Variants in GNA12 observed in about 807,000 individuals in gnomAD.
GNA12 encodes G protein subunit alpha 12.
GNA12 carries 9 observed loss-of-function variants against 26.0 expected under a neutral mutation model. The observed-to-expected ratio is 0.35, with a 90% CI of 0.21 to 0.60. The LOEUF (loss-of-function observed/expected upper bound fraction) is 0.60, where lower values mean the gene tolerates loss of function less well. Among genes scored for constraint, GNA12 ranks in the 20% least tolerant of loss-of-function variants. GNA12 has a pLI of 0.78. For missense variants in GNA12, 405 were observed against 525.8 expected, an observed-to-expected ratio of 0.77 and a Z score of 2.25; for synonymous variants, 264 against 219.6, an observed-to-expected ratio of 1.20 and a Z score of -1.79.
intron 2 of GNA12, among the ~76,000 whole-genome samples, chr7:2,765,867 G>C (rs998062099): frequency 6.8e-5 from 10 of 147,544 alleles, no homozygotes; most frequent in African/African-American, 2.5e-4. Flanking sequence ...CTGACCTCGT[G>C]ATCCAGGGCC....
In GNA12 at chr7:2,816,240, C is replaced by CTTTTTTT. The variant is rs71026563; in HGVS notation, c.310-21104_310-21098dup. 1.1e-3 allele frequency among the ~76,000 whole-genome samples: 170 copies of CTTTTTTT among 148,414 alleles called. 2 individuals are homozygous for CTTTTTTT. Among genetic ancestry groups the CTTTTTTT allele is most frequent in the East Asian group, 6.9e-3 (35 of 5,102 alleles). ...ACGCACATGTGCTGCTCACCAAATC[C>CTTTTTTT]TTTTTTTTTGAGATAGTCTTGATCT... On this transcript the variant is annotated intron_variant, in intron 1 of 3. Coordinates refer to ENST00000275364, the MANE Select transcript of GNA12 (RefSeq NM_007353.3).
At chr7:2,741,206 G>C (rs1790484249) in intron 2 of GNA12, among the ~76,000 whole-genome samples, 1 of 152,184 alleles carries the variant, frequency 6.6e-6, no homozygotes, top group South Asian at 2.1e-4. Flanking sequence ...AAAGCACCTA[G>C]ACTAGGTGTG....
intron 2 of GNA12, among the ~76,000 whole-genome samples, chr7:2,781,638 A>G (rs1024160916): frequency 4.6e-5 from 7 of 152,168 alleles, no homozygotes; most frequent in African/African-American, 1.7e-4. Flanking sequence ...GTCTAAAGAC[A>G]TGTAGCTGTC....
intron 1 of GNA12, among the ~76,000 whole-genome samples, chr7:2,842,763 G>A (rs1779033132): frequency 6.6e-6 from 1 of 152,194 alleles, no homozygotes; most frequent in Admixed American, 6.5e-5. Flanking sequence ...TATTACTAAT[G>A]TTTAGGTTTG....
At chr7:2,747,478 T>C (rs1396496422) in intron 2 of GNA12, among the ~76,000 whole-genome samples, 1 of 152,192 alleles carries the variant, frequency 6.6e-6, no homozygotes, top group Non-Finnish European at 1.5e-5. Flanking sequence ...ACAACCTTCA[T>C]GCTAAAAACT....
At chr7:2,806,457 CAAAAAAAAAAAAA>C (rs34036056) in intron 1 of GNA12, among the ~76,000 whole-genome samples, 67 of 80,714 alleles carry the variant, frequency 8.3e-4, no homozygotes, top group African/African-American at 3.1e-3. Context: ...GACTCTGTCT[CAAAAAAAAAAAAA>C]AAAAAAAAGA....
chr7:2,734,205 T>C (rs1790043561), intron 2 of GNA12, among the ~76,000 whole-genome samples: 1 of 152,074 alleles, frequency 6.6e-6, no homozygotes, highest in Non-Finnish European at 1.5e-5. Context: ...AGCCGCCAAA[T>C]GCGAGGCACA....
At chr7:2,739,086 G>A (rs757519472) in intron 2 of GNA12, among the ~76,000 whole-genome samples, 3 of 152,192 alleles carry the variant, frequency 2.0e-5, no homozygotes, top group Non-Finnish European at 2.9e-5. Flanking sequence ...TCCTCGGCGT[G>A]TGCAGGGTTG....
chr7:2,841,671 C>T (rs1372599281), intron 1 of GNA12, among the ~76,000 whole-genome samples: 1 of 152,138 alleles, frequency 6.6e-6, no homozygotes, highest in Admixed American at 6.5e-5. Context: ...GAAACATTTC[C>T]ATGAGAAGTA....
intron 2 of GNA12, among the ~76,000 whole-genome samples, chr7:2,777,103 T>C (rs905886686): frequency 1.1e-4 from 16 of 152,294 alleles, no homozygotes; most frequent in Admixed American, 9.1e-4. Context: ...TGTGTAGCCC[T>C]ACCCTATCTG....
intron 1 of GNA12, among the ~76,000 whole-genome samples, chr7:2,819,983 T>C (rs980873751): frequency 1.3e-5 from 2 of 152,188 alleles, no homozygotes; most frequent in African/African-American, 4.8e-5. Flanking sequence ...TAGATGCCAC[T>C]GACTGAGGCA....
intron 1 of GNA12, among the ~76,000 whole-genome samples, chr7:2,819,519 A>G (rs1288438004): frequency 1.3e-5 from 2 of 152,244 alleles, no homozygotes; most frequent in African/African-American, 2.4e-5. Context: ...AGGTGAGTTT[A>G]TAAGTGAGAA....
intron 2 of GNA12, among the ~76,000 whole-genome samples, chr7:2,781,861 G>A (rs1288477305): frequency 1.3e-5 from 2 of 152,116 alleles, no homozygotes; most frequent in African/African-American, 4.8e-5. Context: ...AAACCACAAT[G>A]AGGAAAAGAA....
intron 2 of GNA12, among the ~76,000 whole-genome samples, chr7:2,748,214 C>T (rs1363700373): frequency 6.6e-6 from 1 of 150,894 alleles, no homozygotes; most frequent in African/African-American, 2.4e-5. Flanking sequence ...CAATCCTAAG[C>T]CAAAAGAACA....
chr7:2,763,947 T>A (rs1335841668), intron 2 of GNA12, among the ~76,000 whole-genome samples: 2 of 152,162 alleles, frequency 1.3e-5, no homozygotes, highest in African/African-American at 4.8e-5. Flanking sequence ...TATGCACCCT[T>A]CTTTCCTATA....
chr7:2,824,728 A>G (rs2013939), intron 1 of GNA12, among the ~76,000 whole-genome samples: 1,830 of 152,302 alleles, frequency 0.012, 15 homozygotes, highest in Middle Eastern at 0.078. Flanking sequence ...AGTCAGCCCC[A>G]ACAGGTGGCG....
At chr7:2,771,353 T>C (rs1450203126) in intron 2 of GNA12, among the ~76,000 whole-genome samples, 2 of 152,158 alleles carry the variant, frequency 1.3e-5, no homozygotes, top group African/African-American at 4.8e-5. Context: ...CCCAGTCTGA[T>C]GACTTCTGAC....
chr7:2,844,002 C>A lies in GNA12; in HGVS notation c.160G>T (p.Val54Phe), dbSNP rs1300879649. 6.5e-6 allele frequency: 10 copies of A among 1,542,448 alleles called. No individual in the cohort carries two copies. The highest frequency in any genetic ancestry group is 2.3e-4 in the Middle Eastern group (1 of 4,438). Residue 54 changes from valine to phenylalanine, a missense_variant, in exon 1 of 4, where the codon GTC (valine) becomes TTC (phenylalanine). Coordinates refer to ENST00000275364, the MANE Select transcript of GNA12 (RefSeq NM_007353.3). Reference sequence around the variant, plus strand: ...AGCAGGATCTTCACCAGGCGCCGGACCGCGCGCCGCTCGCGGGCCAGCAGC... The same window carrying A: ...AGCAGGATCTTCACCAGGCGCCGGAACGCGCGCCGCTCGCGGGCCAGCAGC... ...DALLARERRA[V>F]RRLVKILLLG...
chr7:2,834,375 C>A (rs1419594005), intron 1 of GNA12, among the ~76,000 whole-genome samples: 1 of 152,234 alleles, frequency 6.6e-6, no homozygotes, highest in Admixed American at 6.5e-5. Context: ...TGGCCTCCTG[C>A]AACACCTCTC....
Sources: gnomAD v4.1 joint callset for allele counts (sites outside exome capture counted in the v4.1 genomes callset) on GRCh38, gnomAD v4.1.1 for gene constraint, MANE v1.5 for transcripts, NCBI Gene and HGNC (gene_info 2026-07-23, HGNC 2026-07-21) for gene names.